Variants in CREBBP observed in about 807,000 individuals in gnomAD.
CREBBP encodes the protein CREB-binding protein.
CREBBP carries 19 observed loss-of-function variants against 265.0 expected under a neutral mutation model. The ratio of observed to expected loss-of-function variants is 0.07; its 90% CI spans 0.05 to 0.11. The LOEUF (loss-of-function observed/expected upper bound fraction) is 0.11. CREBBP is among the 10% of genes least tolerant of loss of function. CREBBP has a pLI of 1.00. For synonymous variants in CREBBP, 1,457 were observed against 1,223.7 expected (o/e 1.19, Z -3.98); for missense variants, 2,525 against 3,219.0 (o/e 0.78, Z 5.22).
At chr16:3,783,923 C>G (rs1377460066) in intron 5 of CREBBP, among the ~76,000 whole-genome samples, 1 of 152,210 alleles carries the variant, frequency 6.6e-6, no homozygotes, top group East Asian at 1.9e-4. Flanking sequence ...ACCCACCTAC[C>G]TACCCACCTG....
intron 2 of CREBBP, among the ~76,000 whole-genome samples, chr16:3,846,920 TG>T (rs1467075493): frequency 2.6e-5 from 4 of 152,248 alleles, no homozygotes; most frequent in Admixed American, 6.5e-5. Flanking sequence ...AGTATTTTTA[TG>T]GTTGTTTGTC....
chr16:3,748,840 T>A lies in CREBBP; in HGVS notation c.3836+787A>T, dbSNP rs74605338. Among the ~76,000 whole-genome samples the A allele has an allele frequency of 4.2e-3, 641 of 152,210 alleles. 2 individuals are homozygous for A. Among genetic ancestry groups the A allele is most frequent in the Middle Eastern group, 0.014 (4 of 294 alleles). ...TTAGCAAATGCAGCACTCTCACTCA[T>A]CACTGTAGAAAAGTGCTTAACAGGG... On this transcript the variant is annotated intron_variant, in intron 21 of 30. Transcript: ENST00000262367.
chr16:3,846,594 A>T (rs565548145), intron 2 of CREBBP, among the ~76,000 whole-genome samples: 9 of 152,366 alleles, frequency 5.9e-5, no homozygotes, highest in African/African-American at 2.2e-4. Flanking sequence ...AAATTACGAT[A>T]TACCCAAATC....
chr16:3,757,744 G>C, intron 18 of CREBBP, 65 bp downstream of exon 18: 2 of 1,603,562 alleles, frequency 1.2e-6, no homozygotes, highest in Admixed American at 3.3e-5. Context: ...TCTCATATTA[G>C]TATAACACCC....
intron 2 of CREBBP, among the ~76,000 whole-genome samples, chr16:3,812,593 C>G (rs1432506578): frequency 6.6e-6 from 1 of 151,674 alleles, no homozygotes; most frequent in African/African-American, 2.4e-5. Context: ...CCGTGAGGGC[C>G]TGCAACCAAC....
intron 19 of CREBBP, among the ~76,000 whole-genome samples, chr16:3,755,942 C>G (rs905274009): frequency 1.2e-4 from 18 of 151,814 alleles, no homozygotes; most frequent in African/African-American, 3.9e-4. Flanking sequence ...GCTTAGGAAC[C>G]TTTTTTGAGA....
intron 5 of CREBBP, among the ~76,000 whole-genome samples, chr16:3,783,928 C>T (rs2053329912): frequency 6.6e-6 from 1 of 152,202 alleles, no homozygotes; most frequent in African/African-American, 2.4e-5. Flanking sequence ...CCTACCTACC[C>T]ACCTGTTACC....
At chr16:3,839,306 C>CAGT (rs2054517921) in intron 2 of CREBBP, among the ~76,000 whole-genome samples, 3 of 152,316 alleles carry the variant, frequency 2.0e-5, no homozygotes, top group African/African-American at 7.2e-5. Context: ...ACTGCTGCTG[C>CAGT]AGTAAGTACA....
At position 3,745,519 on chromosome 16, in the gene CREBBP, G is replaced by A. The variant is rs1477752866; in HGVS notation, c.3837-165C>T. ...TTCAGCTATATTTTACAATGCATCC[G>A]TATGATATCTTCTACAGGAAAAAGC... is the stretch of plus-strand genomic sequence containing the variant. On this transcript the variant is annotated intron_variant, in intron 21 of 30. Transcript: ENST00000262367. The A allele has an allele frequency of 1.0e-5, 7 of 683,518 alleles. No individual in the cohort carries two copies. The East Asian group carries it at 1.1e-4, about 11-fold the overall frequency. 42.3% of individuals were successfully genotyped at this position (683,518 alleles called of 1,614,324 possible). A position where few individuals can be genotyped will look rare whatever the true frequency, so the allele number is the denominator to read the frequency against.
intron 1 of CREBBP, among the ~76,000 whole-genome samples, chr16:3,861,736 C>T (rs925125457): frequency 1.4e-5 from 2 of 143,724 alleles, no homozygotes; most frequent in Admixed American, 6.9e-5. Flanking sequence ...GGCATTTAAA[C>T]AAGTTCCCAA....
chr16:3,762,484 A>T (rs1253580120), intron 16 of CREBBP, among the ~76,000 whole-genome samples: 1 of 146,230 alleles, frequency 6.8e-6, no homozygotes, highest in Non-Finnish European at 1.5e-5. Flanking sequence ...CTGGCCGAGG[A>T]GAGCATTTTC....
chr16:3,805,456 C>G (rs1860131686), intron 3 of CREBBP, among the ~76,000 whole-genome samples: 1 of 152,194 alleles, frequency 6.6e-6, no homozygotes, highest in Admixed American at 6.5e-5. Context: ...ACAATTTCTA[C>G]TTGTGCAGTG....
intron 3 of CREBBP, among the ~76,000 whole-genome samples, chr16:3,798,260 C>G (rs550719996): frequency 2.0e-5 from 3 of 152,270 alleles, no homozygotes; most frequent in African/African-American, 7.2e-5. Context: ...TCTTCACGAC[C>G]TTGGATTAGG....
intron 1 of CREBBP, among the ~76,000 whole-genome samples, chr16:3,860,509 T>A (rs893245162): frequency 4.6e-5 from 7 of 152,168 alleles, no homozygotes; most frequent in African/African-American, 1.7e-4. Context: ...TGTGCCACTG[T>A]GGCTCCAAAA....
At position 3,850,421 on chromosome 16, in the gene CREBBP, G is replaced by T. The variant is rs776306844; in HGVS notation, c.674C>A (p.Pro225Gln). The stretch of plus-strand genomic sequence containing the variant: ...GCCCTGCATGGCTGGAGTAGGGTAC[G>T]GCATTCCAGCTCCCCTTCCTCTGCC... ...AAGRGRGAGM[P>Q]YPTPAMQGAS... Residue 225 changes from proline (P) to glutamine (Q), a missense_variant, in exon 2 of 31, where the codon CCG (proline) becomes CAG (glutamine). Around this residue, in one of 19 missense-constraint regions of CREBBP, gnomAD observed 356 missense variants for 340.4 expected, o/e 1.05. Transcript: ENST00000262367. The T allele has an allele frequency of 3.1e-6, 5 of 1,614,110 alleles. No individual in the cohort carries two copies. The African/African-American group carries it at 6.7e-5, about 22-fold the overall frequency.
chr16:3,768,134 G>GTGT (rs1567296425), intron 15 of CREBBP, among the ~76,000 whole-genome samples: 4 of 58,996 alleles, frequency 6.8e-5, no homozygotes, highest in South Asian at 1.3e-3. Flanking sequence ...AAATTTAAAA[G>GTGT]TGTTTTTTTT....
chr16:3,808,320 G>A (rs2053871832), intron 3 of CREBBP, among the ~76,000 whole-genome samples: 1 of 152,236 alleles, frequency 6.6e-6, no homozygotes, highest in Admixed American at 6.5e-5. Context: ...GGGCGACTAT[G>A]CCCTGGAGAA....
intron 22 of CREBBP, 123 bp downstream of exon 22, chr16:3,745,154 C>T (rs1308824560): frequency 3.9e-6 from 4 of 1,021,780 alleles, no homozygotes; most frequent in East Asian, 2.6e-5. Flanking sequence ...TTAGAACCAA[C>T]TGCCATCTCT....
chr16:3,787,552 T>A (rs1275215983), intron 5 of CREBBP, among the ~76,000 whole-genome samples: 3 of 151,830 alleles, frequency 2.0e-5, no homozygotes, highest in Non-Finnish European at 4.4e-5. Flanking sequence ...CCACACACAC[T>A]CACTGGGCAC....
Sources: gnomAD v4.1 joint callset for allele counts (sites outside exome capture counted in the v4.1 genomes callset) on GRCh38, gnomAD v4.1.1 for gene constraint, gnomAD v4.1.1 regional missense constraint, MANE v1.5 for transcripts, NCBI Gene and HGNC (gene_info 2026-07-23, HGNC 2026-07-21) for gene names.